TAB2: variants seen among roughly 807,000 people sequenced by gnomAD.
TAB2 encodes the protein TGF-beta activated kinase 1 (MAP3K7) binding protein 2.
TAB2 carries 3 observed loss-of-function variants against 65.0 expected under a neutral mutation model. The observed-to-expected ratio is 0.05, with a 90% CI of 0.02 to 0.12. The LOEUF is 0.12. Among genes scored for constraint, TAB2 ranks in the 10% least tolerant of loss-of-function variants. The pLI is 1.00. For missense variants in TAB2, 623 were observed against 840.3 expected (o/e 0.74, Z 3.20); for synonymous variants, 298 against 285.1 (o/e 1.05, Z -0.46).
intron 1 of TAB2, among the ~76,000 whole-genome samples, chr6:149,355,916 CTTAACT>C (rs1162244505): frequency 6.6e-6 from 1 of 151,968 alleles, no homozygotes; most frequent in African/African-American, 2.4e-5. Flanking sequence ...AAGAAACCTC[CTTAACT>C]TTAAGTAACA....
intron 1 of TAB2, among the ~76,000 whole-genome samples, chr6:149,282,618 A>C (rs1217112829): frequency 6.6e-6 from 1 of 152,230 alleles, no homozygotes; most frequent in Non-Finnish European, 1.5e-5. Context: ...AAGGAAATTA[A>C]ATCAGAAATT....
chr6:149,295,374 C>A (rs936397438), intron 1 of TAB2, among the ~76,000 whole-genome samples: 2 of 152,052 alleles, frequency 1.3e-5, no homozygotes, highest in African/African-American at 4.8e-5. Context: ...GTTTAATTTA[C>A]CCGGTTTGAG....
chr6:149,358,911 C>T (rs1289886838), intron 1 of TAB2, among the ~76,000 whole-genome samples: 1 of 151,960 alleles, frequency 6.6e-6, no homozygotes, highest in Non-Finnish European at 1.5e-5. Flanking sequence ...CAAGTACCTT[C>T]TGCTGTTTAA....
intron 3 of TAB2, among the ~76,000 whole-genome samples, chr6:149,390,940 A>T (rs1317037969): frequency 6.6e-6 from 1 of 152,074 alleles, no homozygotes; most frequent in African/African-American, 2.4e-5. Flanking sequence ...CCAAGATACC[A>T]TCTGTTCATT....
chr6:149,368,864 C>G (rs903808341), intron 1 of TAB2, among the ~76,000 whole-genome samples: 8 of 152,088 alleles, frequency 5.3e-5, no homozygotes, highest in African/African-American at 1.9e-4. Flanking sequence ...TTATTGAGCA[C>G]TGAGGAGTTC....
intron 1 of TAB2, among the ~76,000 whole-genome samples, chr6:149,282,020 C>T (rs975694865): frequency 1.3e-5 from 2 of 152,032 alleles, no homozygotes; most frequent in African/African-American, 2.4e-5. Context: ...CCAGCTGGAT[C>T]GCAGGCATGA....
At chr6:149,340,851 T>C (rs1780098867) in intron 1 of TAB2, among the ~76,000 whole-genome samples, 1 of 152,164 alleles carries the variant, frequency 6.6e-6, no homozygotes, top group Non-Finnish European at 1.5e-5. Flanking sequence ...AAAACAACTA[T>C]AAGGAAATCA....
At chr6:149,218,641 A>C in exon 1 of TAB2, 1 of 404,708 alleles carries the variant, frequency 2.5e-6, no homozygotes, top group Non-Finnish European at 5.0e-6. Context: ...ACTAATGCTC[A>C]GTGAGGTGAA....
intron 1 of TAB2, among the ~76,000 whole-genome samples, chr6:149,320,579 T>A (rs943827874): frequency 6.6e-6 from 1 of 152,236 alleles, no homozygotes; most frequent in Non-Finnish European, 1.5e-5. Context: ...GTGAACCTAC[T>A]GCATTTTGAA....
chr6:149,225,803 C>A (rs1220078271), intron 1 of TAB2, among the ~76,000 whole-genome samples: 1 of 151,952 alleles, frequency 6.6e-6, no homozygotes, highest in East Asian at 1.9e-4. Flanking sequence ...TTAGGTACTC[C>A]CATTGCTTAA....
chr6:149,366,151 T>C (rs143290804), intron 1 of TAB2, among the ~76,000 whole-genome samples: 50 of 152,256 alleles, frequency 3.3e-4, no homozygotes, highest in African/African-American at 1.1e-3. Flanking sequence ...TGTGTAACAA[T>C]TTTGGATTTT....
At chr6:149,322,512 A>G (rs1019243203) in intron 1 of TAB2, among the ~76,000 whole-genome samples, 1 of 152,160 alleles carries the variant, frequency 6.6e-6, no homozygotes, top group Non-Finnish European at 1.5e-5. Flanking sequence ...ATGGCTGGAT[A>G]GAAAATCGGA....
chr6:149,397,165 G>A (rs1782198771), intron 3 of TAB2, among the ~76,000 whole-genome samples: 1 of 152,212 alleles, frequency 6.6e-6, no homozygotes, highest in Non-Finnish European at 1.5e-5. Flanking sequence ...AATTTGGCCA[G>A]GCACAGTGGC....
chr6:149,285,720 T>G (rs1001244648), intron 1 of TAB2, among the ~76,000 whole-genome samples: 27 of 152,128 alleles, frequency 1.8e-4, no homozygotes, highest in Non-Finnish European at 3.2e-4. Flanking sequence ...TGGCTTCAGG[T>G]GAAAGTGGCT....
chr6:149,289,395 A>T (rs1583066960), intron 1 of TAB2, among the ~76,000 whole-genome samples: 1 of 30,078 alleles, frequency 3.3e-5, no homozygotes, highest in East Asian at 2.4e-3. Flanking sequence ...CCCTGTCTCT[A>T]AAAAAAAAAA....
chr6:149,298,769 A>G (rs776960874), intron 1 of TAB2, among the ~76,000 whole-genome samples: 1 of 152,244 alleles, frequency 6.6e-6, no homozygotes, highest in Non-Finnish European at 1.5e-5. Flanking sequence ...TACAAAATCT[A>G]AGACACACAC....
chr6:149,377,557 ATTAGT>A (rs1258301902), intron 2 of TAB2, among the ~76,000 whole-genome samples: 1 of 152,212 alleles, frequency 6.6e-6, no homozygotes, highest in Non-Finnish European at 1.5e-5. Context: ...TTAAACATTT[ATTAGT>A]TTAAACAAAT....
chr6:149,399,714 G>A (rs2114948855), intron 6 of TAB2, among the ~76,000 whole-genome samples: 1 of 152,292 alleles, frequency 6.6e-6, no homozygotes, highest in Non-Finnish European at 1.5e-5. Flanking sequence ...GCATTAAAAT[G>A]TGTGTAGAAA....
intron 6 of TAB2, among the ~76,000 whole-genome samples, chr6:149,408,425 A>AG (rs1276597803): frequency 6.6e-6 from 1 of 152,228 alleles, no homozygotes; most frequent in Non-Finnish European, 1.5e-5. Flanking sequence ...GTGCTGCTAA[A>AG]GGGGTACAAA....
Sources: gnomAD v4.1 joint callset for allele counts (sites outside exome capture counted in the v4.1 genomes callset) on GRCh38, gnomAD v4.1.1 for gene constraint, MANE v1.5 for transcripts, NCBI Gene and HGNC (gene_info 2026-07-23, HGNC 2026-07-21) for gene names.